MTRR: variants seen among roughly 807,000 people sequenced by gnomAD.
MTRR encodes 5-methyltetrahydrofolate-homocysteine methyltransferase reductase, also known as methionine synthase reductase.
A neutral mutation model predicts 79.2 loss-of-function variants in MTRR; 63 were observed. The ratio of observed to expected loss-of-function variants is 0.80; its 90% confidence interval spans 0.65 to 0.98. The LOEUF is 0.98. Ranked by LOEUF, MTRR falls within the 50% of genes least tolerant of loss-of-function variation. MTRR has a pLI of 0.00. For missense variants in MTRR, 895 were observed against 839.6 expected, an observed-to-expected ratio of 1.07 and a Z score of -0.82; for synonymous variants, 355 against 313.3, an observed-to-expected ratio of 1.13 and a Z score of -1.41.
chr5:7,854,172 G>A (rs529815243), intron 1 of MTRR, among the ~76,000 whole-genome samples: 8 of 151,980 alleles, frequency 5.3e-5, no homozygotes, highest in African/African-American at 1.7e-4. Context: ...GTCTGTACTC[G>A]TACTCAAAAG....
intron 10 of MTRR, among the ~76,000 whole-genome samples, chr5:7,891,765 G>C (rs148329583): frequency 9.8e-4 from 149 of 152,260 alleles, no homozygotes; most frequent in African/African-American, 3.3e-3. Context: ...TGATGAGTCC[G>C]GGCGTGGTGA....
chr5:7,873,491 T>C lies in MTRR; in HGVS notation c.248T>C (p.Val83Ala), dbSNP rs747894104. 5 of 1,614,036 alleles carry C rather than the reference T, an allele frequency of 3.1e-6. No individual in the cohort carries two copies. In the African/African-American group the frequency reaches 4.0e-5, roughly 13 times the overall value. ...GAAATACAGAACCAAACACTGCCGG[T>C]TGATTTCTTTGCTCACCTGCGGTAT... ...VKEIQNQTLP[V>A]DFFAHLRYGL... Residue 83 changes from valine to alanine, a missense_variant, in exon 3 of 15, where the codon GTT becomes GCT. Physicochemically the swap from Val to Ala is moderately conservative, Grantham distance 64 (BLOSUM62 0). Coordinates refer to ENST00000440940, the MANE Select transcript of MTRR (RefSeq NM_002454.3).
chr5:7,851,630 TTTCAAGC>T (rs1297744023), intron 1 of MTRR: 1 of 152,144 alleles, frequency 6.6e-6, no homozygotes, highest in Non-Finnish European at 1.5e-5. Context: ...ACTAGCTGCC[TTTCAAGC>T]TCTCGGTGGC....
intron 1 of MTRR, among the ~76,000 whole-genome samples, chr5:7,853,531 T>C (rs1351988248): frequency 1.3e-5 from 2 of 152,094 alleles, no homozygotes; most frequent in Non-Finnish European, 2.9e-5. Context: ...CTGAGTTTAT[T>C]TGGGAGGTAA....
chr5:7,861,651 A>G lies in MTRR; in HGVS notation n.392-300A>G, dbSNP rs1443466342. 1.9e-6 allele frequency: 3 copies of G among 1,608,370 alleles called. No individual in the cohort carries two copies. In the African/African-American group the frequency reaches 4.0e-5, roughly 21 times the overall value. On this transcript the variant is annotated intron_variant and non_coding_transcript_variant, in intron 1 of 3. Coordinates refer to the MTRR transcript ENST00000502509. ...CTTCTTCATCTAATTTAATTTCAACATCTGGTGAGAGAAGAAAGGAAAAAT... is the reference window on the plus strand; with the variant it reads ...CTTCTTCATCTAATTTAATTTCAACGTCTGGTGAGAGAAGAAAGGAAAAAT...
chr5:7,850,932 G>A, upstream of MTRR: 7 of 1,355,884 alleles, frequency 5.2e-6, no homozygotes, highest in Non-Finnish European at 6.7e-6. Flanking sequence ...GCGGCGGGAT[G>A]TAGCTGAAGG....
At chr5:7,857,328 A>G (rs1387774037) in intron 1 of MTRR, among the ~76,000 whole-genome samples, 1 of 152,208 alleles carries the variant, frequency 6.6e-6, no homozygotes, top group Non-Finnish European at 1.5e-5. Flanking sequence ...ATGAGAATTC[A>G]GTTTAAAAGG....
At chr5:7,854,925 T>C (rs1267347594) in intron 1 of MTRR, among the ~76,000 whole-genome samples, 1 of 152,210 alleles carries the variant, frequency 6.6e-6, no homozygotes, top group Non-Finnish European at 1.5e-5. Context: ...CCTGCTTTTA[T>C]ATTCTGGCAT....
At position 7,878,123 on chromosome 5, in the gene MTRR, T is replaced by C; in HGVS notation, c.581T>C (p.Leu194Pro). 1 of 1,614,072 alleles carries C rather than the reference T, an allele frequency of 6.2e-7. No homozygotes were observed. Among genetic ancestry groups the C allele is most frequent in the Non-Finnish European group, 8.5e-7 (1 of 1,180,002 alleles). The change falls in exon 5 of 15, where the codon CTG becomes CCG. Residue 194 changes from leucine (L) to proline (P), a missense_variant. Transcript: ENST00000440940. ...LLHIESQVEL[L>P]RFDDSGRKDS... is the part of the protein sequence containing the mutation. ...CACATTGAATCTCAAGTCGAGCTTC[T>C]GAGATTCGATGATTCAGGAAGAAAG... is the stretch of plus-strand genomic sequence containing the variant.
At chr5:7,898,786 A>G (rs1477212247) in intron 14 of MTRR, among the ~76,000 whole-genome samples, 1 of 152,206 alleles carries the variant, frequency 6.6e-6, no homozygotes, top group African/African-American at 2.4e-5. Flanking sequence ...AACATAGTAG[A>G]GTCTTGTCTG....
At chr5:7,880,268 T>C (rs1299254460) in intron 5 of MTRR, among the ~76,000 whole-genome samples, 1 of 152,212 alleles carries the variant, frequency 6.6e-6, no homozygotes, top group Admixed American at 6.5e-5. Flanking sequence ...ATTCAGACTC[T>C]TATAACAGCA....
At chr5:7,883,106 G>T in intron 5 of MTRR, 49 bp from the exon 6 acceptor site, 1 of 1,613,356 alleles carries the variant, frequency 6.2e-7, no homozygotes, top group South Asian at 1.1e-5. Flanking sequence ...ATTGAAAGAA[G>T]GGTATAATTG....
At chr5:7,879,883 C>T (rs1735303096) in intron 5 of MTRR, among the ~76,000 whole-genome samples, 2 of 152,220 alleles carry the variant, frequency 1.3e-5, no homozygotes, top group South Asian at 4.1e-4. Flanking sequence ...GCTGTAGAGC[C>T]CTCTCCTGCT....
rs117473376 is a variant in MTRR, at chr5:7,880,161, G to A, written c.780+1839G>A. On this transcript the variant is annotated intron_variant, in intron 5 of 14. Transcript: ENST00000440940. ...TAGGGCATGGGTCTTACCAAAGACC[G>A]CACTGTCCTGGCTACTCCTCGTTGC... Among the ~76,000 whole-genome samples, 865 of 152,274 alleles carry A rather than the reference G, an allele frequency of 5.7e-3. 21 individuals carry two copies. Among genetic ancestry groups the A allele is most frequent in the East Asian group, 0.048 (247 of 5,176 alleles).
rs149300444 is a variant in MTRR at position 7,873,489 on chromosome 5, G to C, written c.246G>C (p.Pro82=). The C allele has an allele frequency of 3.2e-4, 512 of 1,614,088 alleles. 14 individuals are homozygous for C. In the South Asian group the frequency reaches 4.8e-3, roughly 15 times the overall value. ...FVKEIQNQTL[P]VDFFAHLRYG... ...AGGAAATACAGAACCAAACACTGCC[G>C]GTTGATTTCTTTGCTCACCTGCGGT... Residue 82 remains proline, a synonymous_variant, in exon 3 of 15, where the codon CCG becomes CCC. Transcript: ENST00000440940.
At chr5:7,872,018 A>G (rs1748074346) in intron 2 of MTRR, among the ~76,000 whole-genome samples, 1 of 151,480 alleles carries the variant, frequency 6.6e-6, no homozygotes, top group Non-Finnish European at 1.5e-5. Context: ...TTTTTTTTTA[A>G]CACCAAGATA....
At position 7,897,222 on chromosome 5, in the gene MTRR, G is replaced by C. The variant is rs750142938; in HGVS notation, c.1927G>C (p.Glu643Gln). Residue 643 changes from glutamate (E) to glutamine (Q), a missense_variant, in exon 14 of 15, where the codon GAG becomes CAG. Glu to Gln is a conservative substitution (Grantham distance 29, BLOSUM62 2). Coordinates refer to ENST00000440940, the MANE Select transcript of MTRR (RefSeq NM_002454.3). The part of the protein sequence containing the change: ...GQQVARILLQ[E>Q]NGHIYVCGDA... ...GCAGGTGGCGAGAATCCTCCTCCAG[G>C]AGAACGGCCATATTTATGTGTGTGG... 3.1e-6 allele frequency: 5 copies of C among 1,614,058 alleles called. No homozygotes were observed. In the East Asian group the frequency reaches 6.7e-5, roughly 22 times the overall value.
intron 1 of MTRR, among the ~76,000 whole-genome samples, chr5:7,854,511 A>T (rs140388836): frequency 6.6e-6 from 1 of 152,182 alleles, no homozygotes; most frequent in Non-Finnish European, 1.5e-5. Context: ...CCACATGGCT[A>T]GGGAGGCCTC....
intron 6 of MTRR, 73 bp downstream of exon 6, chr5:7,883,350 T>G: frequency 2.5e-6 from 4 of 1,593,994 alleles, no homozygotes; most frequent in Non-Finnish European, 3.4e-6. Context: ...TGGTGCTTGG[T>G]TATATATGCT....
Sources: allele counts gnomAD v4.1 joint callset (sites outside exome capture counted in the v4.1 genomes callset), GRCh38; gene constraint gnomAD v4.1.1; transcripts MANE v1.5; gene names NCBI Gene and HGNC (gene_info 2026-07-23, HGNC 2026-07-21).